The following MAP7 variants were observed in gnomAD, a reference collection of about 807,000 sequenced individuals.
The protein encoded by MAP7 is microtubule associated protein 7, also known as ensconsin.
MAP7 carries 52 observed loss-of-function variants against 94.8 expected under a neutral mutation model. That is an observed-to-expected ratio of 0.55 (90% CI 0.44 to 0.69). MAP7 has a LOEUF of 0.69. MAP7 is among the 30% of genes least tolerant of loss of function. MAP7 has a pLI of 0.00. For synonymous variants in MAP7, 350 were observed against 357.0 expected (o/e 0.98, Z 0.22); for missense variants, 940 against 964.6 (o/e 0.97, Z 0.34).
chr6:136,437,713 C>T (rs1241401912), intron 1 of MAP7, among the ~76,000 whole-genome samples: 1 of 151,922 alleles, frequency 6.6e-6, no homozygotes, highest in East Asian at 1.9e-4. Context: ...TGGAAATTAT[C>T]GTAAACCAGC....
At chr6:136,510,775 T>C (rs1823029996) in intron 1 of MAP7, among the ~76,000 whole-genome samples, 1 of 152,144 alleles carries the variant, frequency 6.6e-6, no homozygotes, top group African/African-American at 2.4e-5. Flanking sequence ...TAAATTAAAC[T>C]GTATCACAGG....
intron 1 of MAP7, among the ~76,000 whole-genome samples, chr6:136,474,691 T>C (rs1810264449): frequency 6.6e-6 from 1 of 151,908 alleles, no homozygotes; most frequent in African/African-American, 2.4e-5. Context: ...TCTATAAATA[T>C]TGTCTTCTAT....
intron 1 of MAP7, among the ~76,000 whole-genome samples, chr6:136,481,910 T>A (rs1466251929): frequency 1.3e-5 from 2 of 152,102 alleles, no homozygotes; most frequent in Non-Finnish European, 1.5e-5. Flanking sequence ...CCACAACAAA[T>A]TTTTTTAAAA....
chr6:136,507,214 T>G (rs1821800086), intron 1 of MAP7, among the ~76,000 whole-genome samples: 1 of 152,010 alleles, frequency 6.6e-6, no homozygotes, highest in South Asian at 2.1e-4. Flanking sequence ...GAAATGTACT[T>G]AAGCGGGGGT....
intron 1 of MAP7, among the ~76,000 whole-genome samples, chr6:136,470,495 C>T (rs1808603004): frequency 6.6e-6 from 1 of 152,064 alleles, no homozygotes; most frequent in African/African-American, 2.4e-5. Flanking sequence ...ACAAGATCTA[C>T]TCTCTTAGCA....
intron 1 of MAP7, among the ~76,000 whole-genome samples, chr6:136,479,246 A>G (rs894967718): frequency 1.3e-5 from 2 of 152,168 alleles, no homozygotes; most frequent in African/African-American, 4.8e-5. Flanking sequence ...TCATATCAAC[A>G]AAATAAAAAA....
At chr6:136,496,980 A>C (rs1316468390) in intron 1 of MAP7, among the ~76,000 whole-genome samples, 1 of 151,816 alleles carries the variant, frequency 6.6e-6, no homozygotes, top group Admixed American at 6.6e-5. Flanking sequence ...GAATAAAATA[A>C]AGCCCATTTG....
At chr6:136,544,459 TA>T (rs1262970890) in intron 1 of MAP7, among the ~76,000 whole-genome samples, 1 of 152,236 alleles carries the variant, frequency 6.6e-6, no homozygotes, top group Non-Finnish European at 1.5e-5. Context: ...AACAGCTTTT[TA>T]TAAAATGTCT....
At chr6:136,446,444 C>T (rs774580924) in intron 1 of MAP7, among the ~76,000 whole-genome samples, 1 of 152,226 alleles carries the variant, frequency 6.6e-6, no homozygotes, top group Non-Finnish European at 1.5e-5. Context: ...AGGAAGCTCC[C>T]CAACCCAGTC....
At chr6:136,466,696 G>A in intron 1 of MAP7, 1 of 1,471,388 alleles carries the variant, frequency 6.8e-7, no homozygotes, top group African/African-American at 1.4e-5. Context: ...TGGATTTAAA[G>A]ATTGCCTGAT....
intron 1 of MAP7, among the ~76,000 whole-genome samples, chr6:136,487,057 A>T (rs1282112527): frequency 6.6e-6 from 1 of 152,222 alleles, no homozygotes; most frequent in Non-Finnish European, 1.5e-5. Flanking sequence ...TAAACCACCT[A>T]TGGAAGGGGC....
At chr6:136,495,498 AC>A in intron 1 of MAP7, among the ~76,000 whole-genome samples, 1 of 152,110 alleles carries the variant, frequency 6.6e-6, no homozygotes, top group Non-Finnish European at 1.5e-5. Flanking sequence ...ACACACACAC[AC>A]GTAGAGCATA....
At chr6:136,503,653 A>C (rs1189053495) in intron 1 of MAP7, among the ~76,000 whole-genome samples, 4 of 152,208 alleles carry the variant, frequency 2.6e-5, no homozygotes, top group Non-Finnish European at 5.9e-5. Context: ...CCATTATTTA[A>C]AAAAATCTAC....
intron 1 of MAP7, among the ~76,000 whole-genome samples, chr6:136,510,212 G>T (rs752772023): frequency 3.9e-5 from 6 of 152,096 alleles, no homozygotes; most frequent in Admixed American, 6.6e-5. Flanking sequence ...ACAAAATGGG[G>T]TGAGCATCTC....
At chr6:136,504,341 TTTTTG>T (rs1461123425) in intron 1 of MAP7, among the ~76,000 whole-genome samples, 6 of 151,916 alleles carry the variant, frequency 3.9e-5, no homozygotes, top group Admixed American at 1.3e-4. Flanking sequence ...AATACATCGT[TTTTTG>T]TTTTGTTTTT....
rs185037969 is a variant in MAP7, at chr6:136,346,963, T to C, written c.2016-884A>G. Among the ~76,000 whole-genome samples, 94 of 152,204 alleles carry C rather than the reference T, an allele frequency of 6.2e-4. 1 individual carries two copies. The highest frequency in any genetic ancestry group is 1.7e-3 in the South Asian group (8 of 4,830). Reference sequence around the variant, plus strand: ...ATATGTAAATTTTTGAAGACCGATCTTCTTATCTTTGCCCCTTAAATCTGC... The same window carrying C: ...ATATGTAAATTTTTGAAGACCGATCCTCTTATCTTTGCCCCTTAAATCTGC... On this transcript the variant is annotated intron_variant, in intron 16 of 17. Transcript: ENST00000354570.
chr6:136,517,570 C>T (rs751270301), intron 1 of MAP7, among the ~76,000 whole-genome samples: 5 of 152,186 alleles, frequency 3.3e-5, no homozygotes, highest in Non-Finnish European at 7.3e-5. Context: ...CCCGCCAGCA[C>T]CTGTGAGCAT....
chr6:136,475,436 A>T (rs988512739), intron 1 of MAP7, among the ~76,000 whole-genome samples: 5 of 152,226 alleles, frequency 3.3e-5, no homozygotes, highest in Admixed American at 2.6e-4. Flanking sequence ...AAATTTTGCC[A>T]GTAGTACTGT....
intron 1 of MAP7, among the ~76,000 whole-genome samples, chr6:136,543,111 T>C (rs915245128): frequency 6.6e-6 from 1 of 152,196 alleles, no homozygotes; most frequent in African/African-American, 2.4e-5. Flanking sequence ...CCTAGGTATT[T>C]ACCCAGAATA....
Sources: allele counts gnomAD v4.1 joint callset (sites outside exome capture counted in the v4.1 genomes callset), GRCh38; gene constraint gnomAD v4.1.1; transcripts MANE v1.5; gene names NCBI Gene and HGNC (gene_info 2026-07-23, HGNC 2026-07-21).